The following ERC1 variants were observed in gnomAD, a reference collection of about 807,000 sequenced individuals.
ERC1 encodes RAB6 interacting protein 2.
In ERC1, 56 loss-of-function variants were observed where a neutral mutation model predicts 132.0. The ratio of observed to expected loss-of-function variants is 0.42; its 90% CI spans 0.34 to 0.53. The LOEUF is 0.53. Ranked by LOEUF, ERC1 falls within the 20% of genes least tolerant of loss-of-function variation. ERC1 has a pLI of 0.03. For missense variants in ERC1, 1,202 were observed against 1,349.9 expected (o/e 0.89, Z 1.72); for synonymous variants, 478 against 476.1 (o/e 1.00, Z -0.05).
intron 11 of ERC1, among the ~76,000 whole-genome samples, chr12:1,187,796 G>A (rs1383098124): frequency 1.3e-5 from 2 of 152,134 alleles, no homozygotes. Flanking sequence ...GATATATAGT[G>A]GTGGACAAGA....
intron 17 of ERC1, among the ~76,000 whole-genome samples, chr12:1,434,016 A>T (rs1393944386): frequency 2.7e-5 from 4 of 149,052 alleles, no homozygotes; most frequent in Admixed American, 2.7e-4. Context: ...ACTCCCTGGT[A>T]GGAGAACCAG....
chr12:1,379,116 T>C (rs7973379), intron 16 of ERC1, among the ~76,000 whole-genome samples: 17,337 of 152,242 alleles, frequency 0.11, 2,442 homozygotes, highest in African/African-American at 0.33. Context: ...TAAATTCCCA[T>C]AAATACATAA....
chr12:1,366,714 A>G (rs1294054316), intron 15 of ERC1, among the ~76,000 whole-genome samples: 1 of 152,204 alleles, frequency 6.6e-6, no homozygotes, highest in Non-Finnish European at 1.5e-5. Context: ...ATGCAGGCCC[A>G]AGATAAAAGG....
chr12:1,231,049 A>G (rs2074993688), intron 12 of ERC1, among the ~76,000 whole-genome samples: 1 of 152,146 alleles, frequency 6.6e-6, no homozygotes, highest in African/African-American at 2.4e-5. Flanking sequence ...AATTTAATCC[A>G]TTTAAAGTAA....
intron 1 of ERC1, among the ~76,000 whole-genome samples, chr12:1,018,533 T>C (rs1965874976): frequency 6.6e-6 from 1 of 152,224 alleles, no homozygotes; most frequent in South Asian, 2.1e-4. Context: ...AAAATTTGGA[T>C]ACTGTTTAAA....
At chr12:1,179,278 T>C (rs922745120) in intron 8 of ERC1, among the ~76,000 whole-genome samples, 2 of 152,156 alleles carry the variant, frequency 1.3e-5, no homozygotes, top group Non-Finnish European at 2.9e-5. Flanking sequence ...ATCAGATCCT[T>C]GCATGCTGAC....
chr12:1,032,446 G>A (rs1431675821), intron 2 of ERC1, among the ~76,000 whole-genome samples: 1 of 152,158 alleles, frequency 6.6e-6, no homozygotes, highest in Admixed American at 6.6e-5. Flanking sequence ...AAAGAAACAA[G>A]GGACCATTTG....
At chr12:1,372,770 T>C (rs954534729) in intron 16 of ERC1, among the ~76,000 whole-genome samples, 1 of 152,238 alleles carries the variant, frequency 6.6e-6, no homozygotes, top group African/African-American at 2.4e-5. Flanking sequence ...TCTGTACATT[T>C]TGGCTGCCCA....
At chr12:1,440,444 G>A (rs895204783) in intron 17 of ERC1, among the ~76,000 whole-genome samples, 11 of 148,968 alleles carry the variant, frequency 7.4e-5, no homozygotes, top group African/African-American at 2.5e-4. Context: ...CTGACCTCGT[G>A]ATCTGCCCTC....
chr12:1,207,892 C>T (rs1033126327), intron 12 of ERC1, among the ~76,000 whole-genome samples: 4 of 152,078 alleles, frequency 2.6e-5, no homozygotes, highest in Admixed American at 2.6e-4. Flanking sequence ...TATGGATGCC[C>T]AGTTAAATTT....
chr12:1,008,662 T>C (rs1565772186), intron 1 of ERC1, among the ~76,000 whole-genome samples: 2 of 152,180 alleles, frequency 1.3e-5, no homozygotes, highest in Admixed American at 6.5e-5. Context: ...TTTTGTTCTT[T>C]CGTTATTTTC....
intron 18 of ERC1, chr12:1,445,197 G>A (rs2093270859): frequency 6.8e-6 from 1 of 146,594 alleles, no homozygotes; most frequent in South Asian, 2.2e-4. Flanking sequence ...TTATTATTAA[G>A]TATAGTCAGC....
chr12:1,418,646 TC>T, intron 17 of ERC1, among the ~76,000 whole-genome samples: 1 of 137,548 alleles, frequency 7.3e-6, no homozygotes, highest in African/African-American at 2.8e-5. Context: ...TTTCTTTCTC[TC>T]TCTCTCTCTC....
intron 15 of ERC1, among the ~76,000 whole-genome samples, chr12:1,305,017 G>GATCTCGT (rs368020676): frequency 0.034 from 5,195 of 151,538 alleles, 100 homozygotes; most frequent in Middle Eastern, 0.075. Flanking sequence ...CTCGATCTCC[G>GATCTCGT]GATCCACCCA....
At chr12:1,095,239 G>T (rs1010439390) in intron 3 of ERC1, among the ~76,000 whole-genome samples, 3 of 152,078 alleles carry the variant, frequency 2.0e-5, no homozygotes, top group African/African-American at 7.2e-5. Flanking sequence ...AGATCAGCCT[G>T]GCCAACATGC....
intron 1 of ERC1, among the ~76,000 whole-genome samples, chr12:1,010,771 C>T (rs557107283): frequency 1.3e-5 from 2 of 151,870 alleles, no homozygotes; most frequent in Non-Finnish European, 2.9e-5. Context: ...TCTTGGCCTC[C>T]GAAAGTGCTG....
At chr12:1,139,586 A>C (rs533740917) in intron 7 of ERC1, among the ~76,000 whole-genome samples, 1 of 152,210 alleles carries the variant, frequency 6.6e-6, no homozygotes, top group Admixed American at 6.5e-5. Flanking sequence ...CTTGGATTAT[A>C]TTCTTCGACG....
intron 2 of ERC1, among the ~76,000 whole-genome samples, chr12:1,066,739 A>G (rs1450199915): frequency 1.3e-5 from 2 of 150,730 alleles, no homozygotes; most frequent in Non-Finnish European, 1.5e-5. Flanking sequence ...CAGGAGGCTG[A>G]GGCAGGAGAA....
At chr12:1,182,906 AT>A (rs1230395916) in intron 10 of ERC1, among the ~76,000 whole-genome samples, 2 of 152,162 alleles carry the variant, frequency 1.3e-5, no homozygotes, top group African/African-American at 4.8e-5. Context: ...GCCTCAAGTG[AT>A]CCCCCTGTCT....
Sources: gnomAD v4.1 joint callset for allele counts (sites outside exome capture counted in the v4.1 genomes callset) on GRCh38, gnomAD v4.1.1 for gene constraint, MANE v1.5 for transcripts, NCBI Gene and HGNC (gene_info 2026-07-23, HGNC 2026-07-21) for gene names.